Variants in ANO2 observed in about 807,000 individuals in gnomAD.
ANO2 encodes anoctamin-2.
A neutral mutation model predicts 124.2 loss-of-function variants in ANO2; 101 were observed. The observed-to-expected ratio is 0.81, with a 90% CI of 0.69 to 0.96. The LOEUF (loss-of-function observed/expected upper bound fraction) is 0.96. Among genes scored for constraint, ANO2 ranks in the 40% least tolerant of loss-of-function variants. The pLI is 0.00. For missense variants in ANO2, 1,293 were observed against 1,274.5 expected (o/e 1.01, Z -0.22); for synonymous variants, 486 against 482.5 (o/e 1.01, Z -0.09).
chr12:5,605,968 A>G (rs1020341967), intron 19 of ANO2, among the ~76,000 whole-genome samples: 3 of 152,188 alleles, frequency 2.0e-5, no homozygotes, highest in African/African-American at 7.2e-5. Context: ...GGGTTGTGTG[A>G]GTGGGGACCA....
At chr12:5,773,234 C>A (rs73253291) in intron 10 of ANO2, among the ~76,000 whole-genome samples, 3,343 of 152,328 alleles carry the variant, frequency 0.022, 117 homozygotes, top group African/African-American at 0.075. Context: ...TGTTGCTTCC[C>A]CATTTTTTGT....
chr12:5,666,646 AC>A, intron 14 of ANO2, among the ~76,000 whole-genome samples: 1 of 146,824 alleles, frequency 6.8e-6, no homozygotes, highest in South Asian at 2.1e-4. Context: ...TACTTAGTCC[AC>A]CCCTTTTTTC....
intron 6 of ANO2, among the ~76,000 whole-genome samples, chr12:5,829,301 T>C (rs1954080025): frequency 6.6e-6 from 1 of 152,200 alleles, no homozygotes; most frequent in Admixed American, 6.5e-5. Context: ...TGAGATTTAA[T>C]TGGTTTGTAA....
intron 14 of ANO2, among the ~76,000 whole-genome samples, chr12:5,701,820 A>G (rs1312169034): frequency 1.3e-5 from 2 of 152,158 alleles, no homozygotes; most frequent in African/African-American, 4.8e-5. Context: ...TTTCCCAAAG[A>G]TGCACATTTT....
Position 5,862,490 on chromosome 12 carries a change from G to A in ANO2, c.535-8349C>T, listed in dbSNP as rs1391802896. 1.3e-5 allele frequency among the ~76,000 whole-genome samples: 2 copies of A among 152,136 alleles called. No individual in the cohort carries two copies. Among genetic ancestry groups the A allele is most frequent in the Non-Finnish European group, 2.9e-5 (2 of 68,040 alleles). On this transcript the variant is annotated intron_variant, in intron 3 of 24. Coordinates refer to ENST00000682330, the MANE Select transcript of ANO2 (RefSeq NM_001364791.2). This position sits in a 1 kb window ranked among gnomAD's most constrained non-coding sequence, Gnocchi z 4.0. Reference sequence around the variant, plus strand: ...GACCTATCACCACAGTCTCCACTCCGTGTATCACACATCATTGCACTCCAA... The same window carrying A: ...GACCTATCACCACAGTCTCCACTCCATGTATCACACATCATTGCACTCCAA...
chr12:5,644,561 C>A (rs1172591510), intron 15 of ANO2, among the ~76,000 whole-genome samples: 1 of 152,132 alleles, frequency 6.6e-6, no homozygotes, highest in African/African-American at 2.4e-5. Context: ...AGTATTGTTG[C>A]ATATATTTTA....
intron 3 of ANO2, among the ~76,000 whole-genome samples, chr12:5,911,828 C>G (rs376816826): frequency 1.4e-4 from 22 of 152,220 alleles, no homozygotes; most frequent in African/African-American, 5.3e-4. Context: ...AGTTCCCGCT[C>G]TAAGATGAAA....
At chr12:5,707,898 A>G (rs188978337) in intron 14 of ANO2, among the ~76,000 whole-genome samples, 1 of 152,302 alleles carries the variant, frequency 6.6e-6, no homozygotes, top group Non-Finnish European at 1.5e-5. Flanking sequence ...GTCCACTCCC[A>G]TGTGTCCAGT....
intron 14 of ANO2, among the ~76,000 whole-genome samples, chr12:5,731,676 C>T (rs1950641593): frequency 6.6e-6 from 1 of 151,904 alleles, no homozygotes; most frequent in South Asian, 2.1e-4. Flanking sequence ...ATCCCCATGT[C>T]CCCCCAACAT....
At chr12:5,796,414 TCTCATACTCTTACA>T (rs1189642563) in intron 10 of ANO2, among the ~76,000 whole-genome samples, 1 of 143,760 alleles carries the variant, frequency 7.0e-6, no homozygotes, top group Non-Finnish European at 1.5e-5. Context: ...ACACACACAC[TCTCATACTCTTACA>T]CTCACACACA....
At chr12:5,618,214 C>T (rs892988839) in intron 16 of ANO2, among the ~76,000 whole-genome samples, 1 of 152,206 alleles carries the variant, frequency 6.6e-6, no homozygotes, top group Admixed American at 6.5e-5. Context: ...CTCCCTGGCT[C>T]TTCCAGCCTG....
chr12:5,672,596 TGTGC>T (rs2136989541), intron 14 of ANO2, among the ~76,000 whole-genome samples: 1 of 50,680 alleles, frequency 2.0e-5, no homozygotes, highest in South Asian at 9.1e-4. Context: ...TGTGTGTGTG[TGTGC>T]ACATGCATGT....
In ANO2 at chr12:5,922,610, C is replaced by CCCGACAA; in HGVS notation, c.207+9_207+10insTTGTCGG. 3 of 1,525,472 alleles carry CCCGACAA rather than the reference C, an allele frequency of 2.0e-6. No individual in the cohort carries two copies. Among genetic ancestry groups the CCCGACAA allele is most frequent in the South Asian group, 1.2e-5 (1 of 83,334 alleles). The allele number at this position is 1,525,472 out of a possible 1,614,324, so 94.5% of individuals were successfully genotyped here. On this transcript the variant is annotated intron_variant, in intron 2 of 24. Transcript: ENST00000682330. The stretch of plus-strand genomic sequence containing the variant: ...CCTATCCCCCCACCCCACCCCCGCC[C>CCCGACAA]AGTACTCACAGAGCTGCTGCGGGTG...
intron 14 of ANO2, among the ~76,000 whole-genome samples, chr12:5,729,501 A>C (rs1004403441): frequency 2.0e-5 from 3 of 152,212 alleles, no homozygotes; most frequent in Admixed American, 2.0e-4. Flanking sequence ...TGTAAAAAAC[A>C]GATACTAAGT....
chr12:5,656,084 G>T (rs1258109600), intron 14 of ANO2, among the ~76,000 whole-genome samples: 1 of 152,040 alleles, frequency 6.6e-6, no homozygotes, highest in Non-Finnish European at 1.5e-5. Context: ...TGATAAGGAA[G>T]TGGATGGAAG....
At chr12:5,733,541 A>G (rs1486381427) in intron 13 of ANO2, among the ~76,000 whole-genome samples, 1 of 152,224 alleles carries the variant, frequency 6.6e-6, no homozygotes, top group Non-Finnish European at 1.5e-5. Context: ...ACTGGCTCAC[A>G]ATGGGCTCTG....
chr12:5,601,985 G>A (rs527761428), intron 19 of ANO2, among the ~76,000 whole-genome samples: 2 of 152,300 alleles, frequency 1.3e-5, no homozygotes, highest in Admixed American at 1.3e-4. Flanking sequence ...AAGGCAGGGG[G>A]TGGTGACTGG....
intron 1 of ANO2, among the ~76,000 whole-genome samples, chr12:5,938,028 T>A (rs1163138324): frequency 6.6e-6 from 1 of 152,200 alleles, no homozygotes; most frequent in Admixed American, 6.5e-5. Flanking sequence ...CTGATCTCAA[T>A]GCTGCAGCAG....
At chr12:5,664,958 C>T (rs251778) in intron 14 of ANO2, among the ~76,000 whole-genome samples, 56,352 of 151,906 alleles carry the variant, frequency 0.37, 11,155 homozygotes, top group African/African-American at 0.47. Context: ...TGGAAGAGTT[C>T]CTTTACCCCC....
Sources: allele counts gnomAD v4.1 joint callset (sites outside exome capture counted in the v4.1 genomes callset), GRCh38; gene constraint gnomAD v4.1.1; non-coding constraint Gnocchi (gnomAD v3.1); transcripts MANE v1.5; gene names NCBI Gene and HGNC (gene_info 2026-07-23, HGNC 2026-07-21).